Variants in PDZD2 observed in about 807,000 individuals in gnomAD.
PDZD2 encodes PDZ domain containing 2.
PDZD2 carries 90 observed loss-of-function variants against 220.7 expected under a neutral mutation model. The ratio of observed to expected loss-of-function variants is 0.41; its 90% CI spans 0.34 to 0.49. The LOEUF (loss-of-function observed/expected upper bound fraction) is 0.49, where lower values mean the gene tolerates loss of function less well. Ranked by LOEUF, PDZD2 falls within the 20% of genes least tolerant of loss-of-function variation. PDZD2 has a pLI of 0.28. For synonymous variants in PDZD2, 1,375 were observed against 1,450.5 expected, an observed-to-expected ratio of 0.95 and a Z score of 1.18; for missense variants, 3,174 against 3,608.5, an observed-to-expected ratio of 0.88 and a Z score of 3.08.
intron 8 of PDZD2, among the ~76,000 whole-genome samples, chr5:32,051,969 G>A (rs1028887906): frequency 2.8e-4 from 42 of 152,144 alleles, no homozygotes; most frequent in African/African-American, 9.4e-4. Context: ...GGGAAAGCCC[G>A]ACCACAGGTG....
chr5:31,797,028 C>T (rs1440010824), intron 1 of PDZD2, among the ~76,000 whole-genome samples: 6 of 150,402 alleles, frequency 4.0e-5, no homozygotes, highest in African/African-American at 9.8e-5. Context: ...CCCGGGTTCA[C>T]GCCATTCTCC....
At chr5:31,785,939 G>A (rs1753355436) in intron 1 of PDZD2, among the ~76,000 whole-genome samples, 1 of 152,022 alleles carries the variant, frequency 6.6e-6, no homozygotes, top group African/African-American at 2.4e-5. Context: ...GGCCATGATG[G>A]CACATGAGTA....
At chr5:32,022,057 C>T (rs1439730641) in intron 6 of PDZD2, among the ~76,000 whole-genome samples, 6 of 152,172 alleles carry the variant, frequency 3.9e-5, no homozygotes, top group African/African-American at 1.4e-4. Context: ...CAGCACTGTG[C>T]TGGGTGCTTT....
chr5:32,100,644 A>G (rs932627797), intron 23 of PDZD2: 46 of 360,156 alleles, frequency 1.3e-4, no homozygotes, highest in South Asian at 5.2e-4. Context: ...ACAGTCTCAC[A>G]TGAGACTGGG....
At chr5:32,055,835 T>C (rs1739037492) in intron 10 of PDZD2, among the ~76,000 whole-genome samples, 1 of 152,214 alleles carries the variant, frequency 6.6e-6, no homozygotes, top group South Asian at 2.1e-4. Flanking sequence ...CAGGTGGTGT[T>C]TGTGTTGAGT....
chr5:31,989,676 G>A (rs777672508), intron 3 of PDZD2, among the ~76,000 whole-genome samples: 1 of 152,152 alleles, frequency 6.6e-6, no homozygotes, highest in African/African-American at 2.4e-5. Context: ...TGCCTGCCTC[G>A]GCCTCCCAAA....
Position 31,835,755 on chromosome 5 carries a change from A to G in PDZD2, c.476+36031A>G, listed in dbSNP as rs1756910522. ...AGAGCTGATGTTTAACTTTTCATCA[A>G]TTGGACTGAGAAAATGAGATCTTCA... On this transcript the variant is annotated intron_variant, in intron 2 of 24. Coordinates refer to ENST00000438447, the MANE Select transcript of PDZD2 (RefSeq NM_178140.4). 1.3e-5 allele frequency among the ~76,000 whole-genome samples: 2 copies of G among 152,180 alleles called. 1 individual carries two copies. The highest frequency in any genetic ancestry group is 3.8e-4 in the East Asian group (2 of 5,202).
intron 1 of PDZD2, among the ~76,000 whole-genome samples, chr5:31,759,836 C>T (rs1040695498): frequency 1.3e-5 from 2 of 152,158 alleles, no homozygotes; most frequent in African/African-American, 4.8e-5. Flanking sequence ...TGAGCCACTG[C>T]GCCTGGCCTC....
chr5:31,847,312 A>G (rs1757636715), intron 2 of PDZD2: 1 of 347,926 alleles, frequency 2.9e-6, no homozygotes, highest in Non-Finnish European at 5.5e-6. Flanking sequence ...CCTACTTTAA[A>G]AGATACAAAA....
chr5:32,034,336 T>C (rs1486011842), intron 6 of PDZD2, among the ~76,000 whole-genome samples: 1 of 151,842 alleles, frequency 6.6e-6, no homozygotes, highest in African/African-American at 2.4e-5. Context: ...CAGGTGGTAT[T>C]ATCAGAAGGA....
At chr5:31,867,673 C>T (rs1466918430) in intron 2 of PDZD2, among the ~76,000 whole-genome samples, 1 of 152,152 alleles carries the variant, frequency 6.6e-6, no homozygotes, top group African/African-American at 2.4e-5. Flanking sequence ...AAGAAAAAGC[C>T]TTTCCTTAAT....
At chr5:31,724,410 T>C (rs1205581635) in intron 1 of PDZD2, among the ~76,000 whole-genome samples, 1 of 152,000 alleles carries the variant, frequency 6.6e-6, no homozygotes, top group Non-Finnish European at 1.5e-5. Context: ...CGAGACCAGC[T>C]GACCAACATG....
chr5:31,712,754 A>G (rs1341585428), intron 1 of PDZD2, among the ~76,000 whole-genome samples: 1 of 152,194 alleles, frequency 6.6e-6, no homozygotes, highest in Non-Finnish European at 1.5e-5. Context: ...TGACGTGTGC[A>G]CAGAAAAGCG....
At position 32,090,173 on chromosome 5, in the gene PDZD2, G is replaced by C. The variant is rs750611301; in HGVS notation, c.6725G>C (p.Ser2242Thr). The change falls in exon 20 of 25, where the codon AGC becomes ACC. Residue 2242 changes from serine (S) to threonine (T), a missense_variant. By Grantham distance (58) the Ser-to-Thr change is moderately conservative. Transcript: ENST00000438447. This position sits in a 1 kb window ranked among gnomAD's most constrained non-coding sequence, Gnocchi z 4.3. ...GGACGGGAGGGTCACCCCCCACACA[G>C]CCTGGGTCGCTCTCGGGACAGCCAG... ...HFGREGHPPHSLGRSRDSQVP... is the reference protein window; with the variant it reads ...HFGREGHPPHTLGRSRDSQVP... 19 of 1,614,054 alleles carry C rather than the reference G, an allele frequency of 1.2e-5. No individual in the cohort carries two copies. Among genetic ancestry groups the C allele is most frequent in the African/African-American group, 6.7e-5 (5 of 75,032 alleles).
chr5:31,746,261 G>C (rs1363269585), intron 1 of PDZD2, among the ~76,000 whole-genome samples: 2 of 152,184 alleles, frequency 1.3e-5, no homozygotes, highest in Admixed American at 6.5e-5. Flanking sequence ...CTTTTGAGTA[G>C]CTTCCTGAAC....
chr5:31,808,476 G>A (rs959117853), intron 2 of PDZD2, among the ~76,000 whole-genome samples: 1 of 152,170 alleles, frequency 6.6e-6, no homozygotes, highest in Non-Finnish European at 1.5e-5. Context: ...TCAGACTGCT[G>A]TCTCCACGTG....
At chr5:31,725,042 G>A (rs551027098) in intron 1 of PDZD2, among the ~76,000 whole-genome samples, 71 of 152,164 alleles carry the variant, frequency 4.7e-4, no homozygotes, top group Non-Finnish European at 5.9e-5. Context: ...CCTAAGAGTG[G>A]CTTCTCAGCC....
rs536047077 is a variant in PDZD2 at position 31,929,576 on chromosome 5, G to A, written c.477-53579G>A. On this transcript the variant is annotated intron_variant, in intron 2 of 24. Transcript: ENST00000438447. ...GAAAAAGAGCAGTGGAAGGCCAGGCGCAGTGGCTCACGCCTGTAATCCCAG... is the reference window on the plus strand; with the variant it reads ...GAAAAAGAGCAGTGGAAGGCCAGGCACAGTGGCTCACGCCTGTAATCCCAG... 1.6e-4 allele frequency among the ~76,000 whole-genome samples: 24 copies of A among 152,334 alleles called. No homozygotes were observed. In the South Asian group the frequency reaches 2.5e-3, roughly 16 times the overall value.
At chr5:31,919,495 C>T (rs1403216573) in intron 2 of PDZD2, among the ~76,000 whole-genome samples, 1 of 151,920 alleles carries the variant, frequency 6.6e-6, no homozygotes, top group East Asian at 1.9e-4. Context: ...TACAGGCACA[C>T]GCCACCACGC....
Sources: allele counts gnomAD v4.1 joint callset (sites outside exome capture counted in the v4.1 genomes callset), GRCh38; gene constraint gnomAD v4.1.1; non-coding constraint Gnocchi (gnomAD v3.1); transcripts MANE v1.5; gene names NCBI Gene and HGNC (gene_info 2026-07-23, HGNC 2026-07-21).